Variants in TENM4 observed in about 807,000 individuals in gnomAD.
The protein encoded by TENM4 is teneurin-4.
In TENM4, 82 loss-of-function variants were observed where a neutral mutation model predicts 243.3. That is an observed-to-expected ratio of 0.34 (90% CI 0.28 to 0.40). The LOEUF (loss-of-function observed/expected upper bound fraction) is 0.40, where lower values mean the gene tolerates loss of function less well. Ranked by LOEUF, TENM4 falls within the 10% of genes least tolerant of loss-of-function variation. The pLI is 1.00. For missense variants in TENM4, 3,138 were observed against 3,673.3 expected (o/e 0.85, Z 3.77); for synonymous variants, 1,412 against 1,456.3 (o/e 0.97, Z 0.69).
chr11:79,004,666 C>T (rs115848766), intron 6 of TENM4, among the ~76,000 whole-genome samples: 1,835 of 152,158 alleles, frequency 0.012, 34 homozygotes, highest in African/African-American at 0.042. Flanking sequence ...CTCAAATTAA[C>T]AACCGAACAT....
At chr11:79,077,097 C>T (rs1234841243) in intron 4 of TENM4, among the ~76,000 whole-genome samples, 1 of 152,178 alleles carries the variant, frequency 6.6e-6, no homozygotes, top group Non-Finnish European at 1.5e-5. Flanking sequence ...GTCCTAAGTG[C>T]TGCAAAAGAT....
Position 79,138,566 on chromosome 11 carries a change from A to C in TENM4, c.-66+10144T>G, listed in dbSNP as rs1267826369. Among the ~76,000 whole-genome samples, 22 of 26,722 alleles carry C rather than the reference A, an allele frequency of 8.2e-4. 1 individual carries two copies. Among genetic ancestry groups the C allele is most frequent in the South Asian group, 7.4e-4 (1 of 1,352 alleles). 17.5% of individuals were successfully genotyped at this position (26,722 alleles called of 152,430 possible). A position where few individuals can be genotyped will look rare whatever the true frequency, so the allele number is the denominator to read the frequency against. ...TATATTATATTTATATAAATACATAAAACATATATTTATATAAATACATAA... is the reference window on the plus strand; with the variant it reads ...TATATTATATTTATATAAATACATACAACATATATTTATATAAATACATAA... On this transcript the variant is annotated intron_variant, in intron 4 of 33. Transcript: ENST00000278550.
chr11:78,817,917 C>A (rs1436863354), intron 12 of TENM4, among the ~76,000 whole-genome samples: 1 of 152,084 alleles, frequency 6.6e-6, no homozygotes, highest in Admixed American at 6.6e-5. Context: ...GTTCAAATGC[C>A]ACCTCCTTGG....
At chr11:79,018,936 C>G (rs1278124336) in intron 6 of TENM4, among the ~76,000 whole-genome samples, 1 of 152,218 alleles carries the variant, frequency 6.6e-6, no homozygotes, top group Non-Finnish European at 1.5e-5. Flanking sequence ...GAGGCTTGCT[C>G]CACAGTCTTA....
chr11:79,204,157 T>C (rs992690232), intron 3 of TENM4, among the ~76,000 whole-genome samples: 2 of 152,086 alleles, frequency 1.3e-5, no homozygotes, highest in East Asian at 3.9e-4. Flanking sequence ...GGGTATGGGT[T>C]CTTTTGGGGT....
intron 1 of TENM4, among the ~76,000 whole-genome samples, chr11:79,410,592 C>A (rs1858678784): frequency 6.6e-6 from 1 of 152,154 alleles, no homozygotes; most frequent in African/African-American, 2.4e-5. Flanking sequence ...CCTGTCCTAA[C>A]ACATATGTAT....
At chr11:78,747,212 G>C (rs988832862) in intron 19 of TENM4, among the ~76,000 whole-genome samples, 6 of 152,216 alleles carry the variant, frequency 3.9e-5, no homozygotes, top group African/African-American at 1.4e-4. Context: ...GACGTCCCGT[G>C]TGTCACTAGG....
intron 23 of TENM4, 100 bp from the exon 24 acceptor site, chr11:78,723,017 T>G: frequency 6.7e-7 from 1 of 1,503,710 alleles, no homozygotes; most frequent in Non-Finnish European, 9.0e-7. Context: ...GCATGCAAGA[T>G]CTCCATCAAC....
Position 78,812,148 on chromosome 11 carries a change from C to T in TENM4, c.1952G>A (p.Gly651Asp). The T allele has an allele frequency of 6.4e-7, 1 of 1,551,578 alleles. No individual in the cohort carries two copies. The highest frequency in any genetic ancestry group is 8.7e-7 in the Non-Finnish European group (1 of 1,147,022). Residue 651 changes from glycine (G) to aspartate (D), a missense_variant, in exon 14 of 34, where the codon GGC (glycine) becomes GAC (aspartate). Transcript: ENST00000278550. The stretch of plus-strand genomic sequence containing the variant: ...TTCCTCACAGCTCTCGCCCTTGTAG[C>T]CAGGGTTGCAGATGCAGGTGCCCGT... The part of the protein sequence containing the change: ...CITGTCICNP[G>D]YKGESCEEVD...
intron 1 of TENM4, among the ~76,000 whole-genome samples, chr11:79,327,758 C>T (rs1420305131): frequency 6.6e-6 from 1 of 151,234 alleles, no homozygotes; most frequent in East Asian, 1.9e-4. Context: ...AATCTAAGTC[C>T]AGTGATCTGA....
intron 16 of TENM4, among the ~76,000 whole-genome samples, chr11:78,781,149 TTTA>T (rs1856831334): frequency 6.6e-6 from 1 of 152,212 alleles, no homozygotes; most frequent in Non-Finnish European, 1.5e-5. Context: ...TGTGGTTGCT[TTTA>T]TTGTTTGAAA....
intron 6 of TENM4, among the ~76,000 whole-genome samples, chr11:78,981,920 T>C (rs1045372108): frequency 1.3e-5 from 2 of 151,956 alleles, no homozygotes; most frequent in Non-Finnish European, 2.9e-5. Context: ...CCAGCTCAGT[T>C]TTTTGGTTCC....
At chr11:79,430,985 T>C (rs1242016987) in intron 1 of TENM4, among the ~76,000 whole-genome samples, 1 of 152,238 alleles carries the variant, frequency 6.6e-6, no homozygotes. Flanking sequence ...TAGGAGTCTC[T>C]GAGGCATTCT....
chr11:78,934,208 G>C (rs1856733493), intron 6 of TENM4, among the ~76,000 whole-genome samples: 1 of 152,160 alleles, frequency 6.6e-6, no homozygotes. Flanking sequence ...TTTGATGCAG[G>C]CTCTGTTTAT....
chr11:79,144,352 C>A (rs1456664876), intron 4 of TENM4, among the ~76,000 whole-genome samples: 1 of 151,908 alleles, frequency 6.6e-6, no homozygotes, highest in Non-Finnish European at 1.5e-5. Flanking sequence ...AGTACAACCG[C>A]TATGGAGAAC....
At chr11:79,386,872 T>C (rs1178549322) in intron 1 of TENM4, among the ~76,000 whole-genome samples, 1 of 152,086 alleles carries the variant, frequency 6.6e-6, no homozygotes, top group African/African-American at 2.4e-5. Context: ...CAGTACTTAC[T>C]AAATCAGAAC....
chr11:78,787,502 A>T (rs1024220347), intron 15 of TENM4, among the ~76,000 whole-genome samples: 9 of 152,208 alleles, frequency 5.9e-5, no homozygotes, highest in African/African-American at 2.2e-4. Flanking sequence ...GTGAAAACAA[A>T]GTAAGGATGA....
chr11:79,225,685 C>T (rs1864249773), intron 2 of TENM4, among the ~76,000 whole-genome samples: 1 of 152,090 alleles, frequency 6.6e-6, no homozygotes, highest in African/African-American at 2.4e-5. Context: ...TGCCACATTG[C>T]CCAGACTGGT....
intron 2 of TENM4, among the ~76,000 whole-genome samples, chr11:79,239,651 A>G (rs906212831): frequency 3.3e-5 from 5 of 152,220 alleles, no homozygotes; most frequent in African/African-American, 1.2e-4. Flanking sequence ...CAAGAAGAAC[A>G]AAAGAAACTA....
Sources: allele counts gnomAD v4.1 joint callset (sites outside exome capture counted in the v4.1 genomes callset), GRCh38; gene constraint gnomAD v4.1.1; transcripts MANE v1.5; gene names NCBI Gene and HGNC (gene_info 2026-07-23, HGNC 2026-07-21).